The following CRISP1 variants were observed in gnomAD, a reference collection of about 807,000 sequenced individuals.
CRISP1 encodes the protein cysteine rich secretory protein 1.
Under a neutral mutation model 33.1 loss-of-function variants are expected in CRISP1, and 44 were observed. The ratio of observed to expected loss-of-function variants is 1.33; its 90% confidence interval spans 1.05 to 1.71. CRISP1 has a LOEUF of 1.71. Ranked by LOEUF, CRISP1 falls within the 40% of genes most tolerant of loss-of-function variation. The pLI is 0.00. For missense variants in CRISP1, 390 were observed against 301.2 expected (o/e 1.29, Z -2.18); for synonymous variants, 103 against 98.7 (o/e 1.04, Z -0.26).
chr6:49,844,182 A>C (rs979823459), intron 5 of CRISP1, among the ~76,000 whole-genome samples: 5 of 152,218 alleles, frequency 3.3e-5, no homozygotes, highest in Admixed American at 2.6e-4. Context: ...TCGCTGAACA[A>C]CCATTAGATA....
intron 2 of CRISP1, among the ~76,000 whole-genome samples, chr6:49,853,759 T>A (rs897955531): frequency 3.9e-5 from 6 of 152,108 alleles, no homozygotes; most frequent in Admixed American, 3.3e-4. Context: ...CTTTCACAAC[T>A]CTCCTTTTGC....
chr6:49,838,000 T>C lies in CRISP1; in HGVS notation c.622+437A>G, dbSNP rs952723702. ...AAGAATAAGGATCACTCAGTAAAAA[T>C]TGCATGCCACAATAAGTGGTCAGGC... On this transcript the variant is annotated intron_variant, in intron 7 of 7. Transcript: ENST00000335847. Among the ~76,000 whole-genome samples, 10 of 151,958 alleles carry C rather than the reference T, an allele frequency of 6.6e-5. 1 individual carries two copies. The highest frequency in any genetic ancestry group is 5.2e-4 in the Admixed American group (8 of 15,264).
At chr6:49,859,255 A>G (rs1462096476) in intron 1 of CRISP1, among the ~76,000 whole-genome samples, 1 of 152,022 alleles carries the variant, frequency 6.6e-6, no homozygotes, top group Non-Finnish European at 1.5e-5. Flanking sequence ...TTGAGAGCCT[A>G]TTCCCAACCA....
At chr6:49,858,339 A>C (rs1349161283) in intron 1 of CRISP1, among the ~76,000 whole-genome samples, 3 of 152,174 alleles carry the variant, frequency 2.0e-5, no homozygotes, top group African/African-American at 7.2e-5. Flanking sequence ...TGCCAAGTTT[A>C]TTTCTGAATT....
chr6:49,839,884 T>A (rs1235333929), intron 6 of CRISP1, among the ~76,000 whole-genome samples: 1 of 152,172 alleles, frequency 6.6e-6, no homozygotes, highest in East Asian at 1.9e-4. Context: ...GAATCAATAG[T>A]GATAGTGGTG....
At chr6:49,865,393 T>C (rs930734948) in intron 1 of CRISP1, among the ~76,000 whole-genome samples, 10 of 152,190 alleles carry the variant, frequency 6.6e-5, no homozygotes, top group Admixed American at 3.3e-4. Context: ...TTTTTACAAA[T>C]CTAAATGTGC....
At chr6:49,853,731 CTCTA>C (rs1265847063) in intron 2 of CRISP1, among the ~76,000 whole-genome samples, 2 of 152,130 alleles carry the variant, frequency 1.3e-5, no homozygotes, top group Admixed American at 6.6e-5. Context: ...TTCCTTTCAT[CTCTA>C]TCTGTGTTCT....
At chr6:49,843,643 A>T (rs1482722279) in intron 5 of CRISP1, among the ~76,000 whole-genome samples, 3 of 152,218 alleles carry the variant, frequency 2.0e-5, no homozygotes, top group Non-Finnish European at 4.4e-5. Flanking sequence ...GACTGAGCAC[A>T]CTAAAACAGA....
intron 1 of CRISP1, among the ~76,000 whole-genome samples, chr6:49,876,507 C>T (rs1011288569): frequency 2.0e-5 from 3 of 152,090 alleles, no homozygotes; most frequent in Non-Finnish European, 4.4e-5. Flanking sequence ...GGCAGAAATA[C>T]CCTTTGACCC....
intron 2 of CRISP1, among the ~76,000 whole-genome samples, chr6:49,854,044 C>T (rs73425875): frequency 0.16 from 23,753 of 152,136 alleles, 2,154 homozygotes; most frequent in African/African-American, 0.23. Flanking sequence ...CAATCTCCCC[C>T]ATTCACAACC....
At chr6:49,840,492 C>T (rs1243152391) in intron 6 of CRISP1, among the ~76,000 whole-genome samples, 3 of 152,314 alleles carry the variant, frequency 2.0e-5, no homozygotes, top group South Asian at 2.1e-4. Context: ...TCCTTTTGGT[C>T]TAACAATACT....
intron 2 of CRISP1, among the ~76,000 whole-genome samples, chr6:49,855,253 T>A (rs180917918): frequency 1.3e-5 from 2 of 152,268 alleles, no homozygotes; most frequent in Admixed American, 1.3e-4. Context: ...TGATCCATTC[T>A]TTCATAATGC....
At chr6:49,843,067 T>C (rs1449316390) in intron 5 of CRISP1, among the ~76,000 whole-genome samples, 4 of 152,188 alleles carry the variant, frequency 2.6e-5, no homozygotes, top group African/African-American at 4.8e-5. Context: ...TCAGTTAATA[T>C]ACCACAGCGA....
intron 4 of CRISP1, among the ~76,000 whole-genome samples, chr6:49,847,652 C>T (rs374517973): frequency 6.6e-6 from 1 of 151,946 alleles, no homozygotes; most frequent in South Asian, 2.1e-4. Flanking sequence ...TCAGGTATTT[C>T]TTTACAGCAA....
chr6:49,865,406 A>G (rs557090156), intron 1 of CRISP1, among the ~76,000 whole-genome samples: 5 of 152,294 alleles, frequency 3.3e-5, no homozygotes, highest in East Asian at 1.9e-4. Context: ...AAATGTGCAA[A>G]CTATCATATT....
intron 1 of CRISP1, among the ~76,000 whole-genome samples, chr6:49,865,444 T>C (rs1582285057): frequency 6.6e-6 from 1 of 152,336 alleles, no homozygotes; most frequent in Admixed American, 6.5e-5. Context: ...AGCTATTTGA[T>C]GATTATCTGA....
Position 49,847,693 on chromosome 6 carries a change from TG to T in CRISP1, c.286+515del, listed in dbSNP as rs950830112. 1.9e-3 allele frequency among the ~76,000 whole-genome samples: 184 copies of T among 95,462 alleles called. 1 individual carries two copies. The highest frequency in any genetic ancestry group is 8.9e-3 in the African/African-American group (174 of 19,634). The allele number at this position is 95,462 out of a possible 152,430, so 62.6% of individuals were successfully genotyped here. On this transcript the variant is annotated intron_variant, in intron 4 of 7. Transcript: ENST00000335847. ...AAACAGCGTAACACAGAAGCAATAA[TG>T]TTTTTTTTTATTATTTCCTGGAAAC... is the stretch of plus-strand genomic sequence containing the variant.
chr6:49,858,266 C>T (rs897663042), intron 1 of CRISP1, among the ~76,000 whole-genome samples: 6 of 152,092 alleles, frequency 3.9e-5, no homozygotes, highest in African/African-American at 1.4e-4. Context: ...ATATAGCTAG[C>T]TAACTCTAGG....
intron 2 of CRISP1, among the ~76,000 whole-genome samples, chr6:49,856,471 A>C (rs376013579): frequency 1.3e-5 from 2 of 152,162 alleles, no homozygotes; most frequent in Non-Finnish European, 2.9e-5. Context: ...CTGGAGGATT[A>C]CTGGGCATTA....
Sources: allele counts gnomAD v4.1 joint callset (sites outside exome capture counted in the v4.1 genomes callset), GRCh38; gene constraint gnomAD v4.1.1; transcripts MANE v1.5; gene names NCBI Gene and HGNC (gene_info 2026-07-23, HGNC 2026-07-21).